Variants in CPAMD8 observed in about 807,000 individuals in gnomAD.
CPAMD8 encodes C3 and PZP like alpha-2-macroglobulin domain containing 8.
Under a neutral mutation model 224.7 loss-of-function variants are expected in CPAMD8, and 146 were observed. That is an observed-to-expected ratio of 0.65 (90% confidence interval 0.57 to 0.75). The LOEUF (loss-of-function observed/expected upper bound fraction) is 0.75. Among genes scored for constraint, CPAMD8 ranks in the 30% least tolerant of loss-of-function variants. The pLI is 0.00. For synonymous variants in CPAMD8, 966 were observed against 1,044.6 expected (o/e 0.92, Z 1.45); for missense variants, 2,301 against 2,537.5 (o/e 0.91, Z 2.00).
chr19:16,898,125 C>T lies in CPAMD8; in HGVS notation c.4849-131G>A. Reference sequence around the variant, plus strand: ...CACAGAAGAAACGTGATCCCATTTTCTTTTTTTCTTTTACTTTTCTTTTTT... The same window carrying T: ...CACAGAAGAAACGTGATCCCATTTTTTTTTTTTCTTTTACTTTTCTTTTTT... On this transcript the variant is annotated intron_variant, in intron 37 of 41. Transcript: ENST00000443236. This position sits in a 1 kb window ranked among gnomAD's most constrained non-coding sequence, Gnocchi z 4.2. 9 of 596,306 alleles carry T rather than the reference C, an allele frequency of 1.5e-5. No homozygotes were observed. The highest frequency in any genetic ancestry group is 4.3e-5 in the South Asian group (2 of 46,796). 36.9% of individuals were successfully genotyped at this position (596,306 alleles called of 1,614,324 possible). A position where few individuals can be genotyped will look rare whatever the true frequency, so the allele number is the denominator to read the frequency against.
intron 17 of CPAMD8, among the ~76,000 whole-genome samples, chr19:16,971,306 A>G (rs2055055599): frequency 6.6e-6 from 1 of 152,064 alleles, no homozygotes; most frequent in South Asian, 2.1e-4. Flanking sequence ...GTTCACGCCT[A>G]TCTCCTGCCT....
chr19:16,971,617 G>A (rs1378844142), intron 17 of CPAMD8, among the ~76,000 whole-genome samples: 1 of 152,120 alleles, frequency 6.6e-6, no homozygotes, highest in Non-Finnish European at 1.5e-5. Flanking sequence ...AATTGCTACT[G>A]GGGATGGGGT....
chr19:16,917,836 T>C (rs1266969897), intron 27 of CPAMD8, among the ~76,000 whole-genome samples: 1 of 152,166 alleles, frequency 6.6e-6, no homozygotes, highest in Admixed American at 6.5e-5. Context: ...GATTTTGAAT[T>C]TGGATTTTGG....
rs1364986908 is a variant in CPAMD8 at position 17,011,764 on chromosome 19, G to A, written c.268-7C>T. 13 of 1,611,832 alleles carry A rather than the reference G, an allele frequency of 8.1e-6. No homozygotes were observed. The South Asian group carries it at 1.4e-4, about 18-fold the overall frequency. ...CCCGGAGGCCCGTGGGCACCTGCAGGCAGAGGAAGGAGCTTTGGGACAAGA... is the reference window on the plus strand; with the variant it reads ...CCCGGAGGCCCGTGGGCACCTGCAGACAGAGGAAGGAGCTTTGGGACAAGA... On this transcript the variant is annotated splice_region_variant and splice_polypyrimidine_tract_variant and intron_variant, in intron 3 of 41. Coordinates refer to ENST00000443236, the MANE Select transcript of CPAMD8 (RefSeq NM_015692.5).
At chr19:16,940,850 C>T (rs984663601) in intron 22 of CPAMD8, among the ~76,000 whole-genome samples, 15 of 152,228 alleles carry the variant, frequency 9.9e-5, no homozygotes, top group African/African-American at 3.6e-4. Context: ...CTCAGTAACC[C>T]CCCATCTACC....
At chr19:16,949,857 G>T (rs1599765247) in intron 20 of CPAMD8, among the ~76,000 whole-genome samples, 1 of 152,288 alleles carries the variant, frequency 6.6e-6, no homozygotes, top group East Asian at 1.9e-4. Context: ...GGCTGTCCCG[G>T]CACCCGTAGA....
Position 17,026,535 on chromosome 19 carries a change from G to A in CPAMD8, c.92+16C>T. The A allele has an allele frequency of 5.4e-6, 8 of 1,491,122 alleles. No individual in the cohort carries two copies. The highest frequency in any genetic ancestry group is 7.1e-6 in the Non-Finnish European group (8 of 1,129,384). 92.4% of individuals were successfully genotyped at this position (1,491,122 alleles called of 1,614,324 possible). A position where few individuals can be genotyped will look rare whatever the true frequency, so the allele number is the denominator to read the frequency against. ...CAGAAGGCGACCGACCTCCTCTGTC[G>A]CCGGAGGATACTCACGGGGCCTGAG... On this transcript the variant is annotated intron_variant, in intron 1 of 41. Transcript: ENST00000443236.
At chr19:16,894,415 G>A (rs763524775) in intron 41 of CPAMD8, 28 of 456,564 alleles carry the variant, frequency 6.1e-5, no homozygotes, top group Admixed American at 9.4e-5. Flanking sequence ...CAGGGCAGCC[G>A]TTAGGAAGAG....
Position 16,896,668 on chromosome 19 carries a change from G to C in CPAMD8, c.5066-3C>G. On this transcript the variant is annotated splice_polypyrimidine_tract_variant and splice_region_variant and intron_variant, in intron 39 of 41. Transcript: ENST00000443236. ...GCCCGACTCGCCGGGGAACCAGCCT[G>C]GGGGACGAGGCAGGCTCGACAGACC... 1.4e-6 allele frequency: 2 copies of C among 1,451,758 alleles called. No individual in the cohort carries two copies. The highest frequency in any genetic ancestry group is 1.8e-6 in the Non-Finnish European group (2 of 1,104,434). 89.9% of individuals were successfully genotyped at this position (1,451,758 alleles called of 1,614,324 possible).
intron 26 of CPAMD8, among the ~76,000 whole-genome samples, chr19:16,922,313 A>G (rs1051155977): frequency 6.6e-6 from 1 of 151,392 alleles, no homozygotes; most frequent in African/African-American, 2.4e-5. Flanking sequence ...ACTGCCCCAC[A>G]CCACATCTGG....
At chr19:16,927,533 C>T (rs2053406567) in intron 25 of CPAMD8, among the ~76,000 whole-genome samples, 1 of 152,140 alleles carries the variant, frequency 6.6e-6, no homozygotes, top group South Asian at 2.1e-4. Flanking sequence ...TCCAATGTCC[C>T]TAGTCAGAGC....
chr19:16,991,161 C>T (rs899499165), intron 12 of CPAMD8, among the ~76,000 whole-genome samples: 1 of 152,118 alleles, frequency 6.6e-6, no homozygotes, highest in Non-Finnish European at 1.5e-5. Flanking sequence ...CAATGCTCAG[C>T]TTGTGGGGAT....
At chr19:17,008,694 ACCCCGGGGC>A (rs1167094375) in intron 6 of CPAMD8, 135 bp from the exon 7 acceptor site, 12 of 973,596 alleles carry the variant, frequency 1.2e-5, no homozygotes, top group Admixed American at 9.4e-5. Flanking sequence ...TTAATCATTA[ACCCCGGGGC>A]AAAAAAAAAG....
chr19:16,925,272 A>G lies in CPAMD8; in HGVS notation c.3471T>C (p.Phe1157=). The G allele has an allele frequency of 6.2e-7, 1 of 1,614,232 alleles. No homozygotes were observed. Among genetic ancestry groups the G allele is most frequent in the Non-Finnish European group, 8.5e-7 (1 of 1,180,040 alleles). ...QNMIHFAPNV[F]VLKYLQKTQQ... ...GGGTTTTCTGAAGATACTTCAAGAC[A>G]AAGACGTTGGGTGCAAAGTGGATCA... The change falls in exon 26 of 42, where the codon TTT becomes TTC. Residue 1157 remains phenylalanine (F), a synonymous_variant. Transcript: ENST00000443236.
rs146491182 is a variant in CPAMD8, at chr19:16,912,897, C to T, written c.3861+1527G>A. Reference sequence around the variant, plus strand: ...AAAGGATAGTACTCAGAATGACATCCGACTTCTCAGTGGAACACAGGAAAC... The same window carrying T: ...AAAGGATAGTACTCAGAATGACATCTGACTTCTCAGTGGAACACAGGAAAC... On this transcript the variant is annotated intron_variant, in intron 29 of 41. Transcript: ENST00000443236. Among the ~76,000 whole-genome samples, 10 of 152,182 alleles carry T rather than the reference C, an allele frequency of 6.6e-5. No homozygotes were observed. In the East Asian group the frequency reaches 1.7e-3, roughly 26 times the overall value.
At position 16,976,106 on chromosome 19, in the gene CPAMD8, C is replaced by A; in HGVS notation, c.1804G>T (p.Val602Phe). ...SANETQPGEV[V>F]DLRIRAARGS... ...CTTGCAGCCCTGATCCGCAGGTCGACAACCTCCCCAGGTTGGGTCTCATTT... is the reference window on the plus strand; with the variant it reads ...CTTGCAGCCCTGATCCGCAGGTCGAAAACCTCCCCAGGTTGGGTCTCATTT... The change falls in exon 16 of 42, where the codon GTC (valine) becomes TTC (phenylalanine). Residue 602 changes from valine to phenylalanine, a missense_variant. By Grantham distance (50) the Val-to-Phe change is conservative (BLOSUM62 -1). Around this residue, in one of 4 missense-constraint regions of CPAMD8, gnomAD observed 1,709 missense variants for 1,753.2 expected, o/e 0.97. Coordinates refer to ENST00000443236, the MANE Select transcript of CPAMD8 (RefSeq NM_015692.5). 6.2e-7 allele frequency: 1 copy of A among 1,613,088 alleles called. No homozygotes were observed. Among genetic ancestry groups the A allele is most frequent in the Non-Finnish European group, 8.5e-7 (1 of 1,179,376 alleles).
chr19:16,991,708 A>C (rs2055956086), intron 12 of CPAMD8, among the ~76,000 whole-genome samples: 1 of 152,006 alleles, frequency 6.6e-6, no homozygotes, highest in Non-Finnish European at 1.5e-5. Flanking sequence ...TACAAAAATT[A>C]GCTGGGCGTG....
At chr19:16,911,502 C>A (rs927976705) in intron 29 of CPAMD8, among the ~76,000 whole-genome samples, 2 of 152,024 alleles carry the variant, frequency 1.3e-5, no homozygotes, top group Non-Finnish European at 2.9e-5. Flanking sequence ...GCTGGGACTT[C>A]AGGCATGCGC....
At chr19:16,991,655 G>A (rs1173627611) in intron 12 of CPAMD8, among the ~76,000 whole-genome samples, 1 of 152,096 alleles carries the variant, frequency 6.6e-6, no homozygotes, top group African/African-American at 2.4e-5. Context: ...AGGAGTTCAA[G>A]ACCAGCTTGA....
Sources: gnomAD v4.1 joint callset for allele counts (sites outside exome capture counted in the v4.1 genomes callset) on GRCh38, gnomAD v4.1.1 for gene constraint, gnomAD v4.1.1 regional missense constraint, Gnocchi (gnomAD v3.1) non-coding constraint, MANE v1.5 for transcripts, NCBI Gene and HGNC (gene_info 2026-07-23, HGNC 2026-07-21) for gene names.